Variants in BLTP3A observed in about 807,000 individuals in gnomAD.
The protein encoded by BLTP3A is ICBP90 binding protein 1.
At chr6:34,858,766 A>G in the BLTP3A span, 4 of 1,614,204 alleles carry the variant, frequency 2.5e-6, no homozygotes, top group Non-Finnish European at 1.7e-6. Context: ...TATGGACAAC[A>G]AAGGGCCTCT....
the BLTP3A span, chr6:34,864,304 T>C: frequency 1.7e-6 from 2 of 1,148,140 alleles, no homozygotes; most frequent in East Asian, 2.4e-5. Flanking sequence ...GATGATAATA[T>C]AGACATTTTC....
the BLTP3A span, chr6:34,836,080 G>C: frequency 2.6e-6 from 4 of 1,528,804 alleles, no homozygotes; most frequent in Non-Finnish European, 3.5e-6. Context: ...CTTCAGGCTG[G>C]ACCAAAGCTT....
At chr6:34,805,735 C>CAAA in the BLTP3A span, among the ~76,000 whole-genome samples, 16 of 73,714 alleles carry the variant, frequency 2.2e-4, no homozygotes, top group African/African-American at 4.5e-4. Context: ...GACCCTATCT[C>CAAA]AAAAAAAAAA....
chr6:34,798,594 C>CTTTTTTTTTTTTTTTTTTTT, the BLTP3A span, among the ~76,000 whole-genome samples: 23 of 94,488 alleles, frequency 2.4e-4, no homozygotes, highest in African/African-American at 5.3e-4. Context: ...TTCTTTCTTT[C>CTTTTTTTTTTTTTTTTTTTT]TTTTTTTTTT....
At chr6:34,811,345 G>C in the BLTP3A span, among the ~76,000 whole-genome samples, 4 of 152,212 alleles carry the variant, frequency 2.6e-5, no homozygotes, top group East Asian at 7.7e-4. Flanking sequence ...TGAACACAAA[G>C]GATTTTTTAA....
chr6:34,875,062 T>G, the BLTP3A span: 1 of 152,608 alleles, frequency 6.6e-6, no homozygotes, highest in Non-Finnish European at 1.5e-5. Flanking sequence ...ATAGCCTTAG[T>G]AAAGAAAGCA....
At chr6:34,809,817 A>C in the BLTP3A span, among the ~76,000 whole-genome samples, 1 of 152,122 alleles carries the variant, frequency 6.6e-6, no homozygotes, top group African/African-American at 2.4e-5. Flanking sequence ...TGGCCTCCCA[A>C]ATTGCTGGGA....
At chr6:34,834,090 A>G in the BLTP3A span, 4 of 1,063,342 alleles carry the variant, frequency 3.8e-6, no homozygotes, top group Non-Finnish European at 5.4e-6. Flanking sequence ...TAACAGAGCA[A>G]GAACCTGTCT....
the BLTP3A span, among the ~76,000 whole-genome samples, chr6:34,852,504 A>G: frequency 2.0e-5 from 3 of 151,830 alleles, no homozygotes; most frequent in Non-Finnish European, 2.9e-5. Flanking sequence ...CTGGTATCCA[A>G]ATTGCAAGAC....
At chr6:34,807,155 C>T in the BLTP3A span, among the ~76,000 whole-genome samples, 2 of 151,988 alleles carry the variant, frequency 1.3e-5, no homozygotes, top group African/African-American at 2.4e-5. Flanking sequence ...GGTCAAGAAG[C>T]GGAAGTAAAG....
At chr6:34,823,863 AGTTT>A in the BLTP3A span, among the ~76,000 whole-genome samples, 3 of 151,820 alleles carry the variant, frequency 2.0e-5, no homozygotes, top group African/African-American at 7.2e-5. Flanking sequence ...TTTTCCTGCC[AGTTT>A]GTGTATGTGT....
chr6:34,871,075 C>T, the BLTP3A span: 3 of 1,613,936 alleles, frequency 1.9e-6, no homozygotes, highest in South Asian at 2.2e-5. Context: ...GGTGGTAGTC[C>T]CCATGCAGAT....
chr6:34,867,322 G>C, the BLTP3A span: 2 of 1,614,012 alleles, frequency 1.2e-6, no homozygotes, highest in Non-Finnish European at 1.7e-6. Context: ...ATGGCCAGGG[G>C]TCACCAGCAG....
the BLTP3A span, among the ~76,000 whole-genome samples, chr6:34,869,639 A>C: frequency 1.5e-4 from 13 of 87,576 alleles, no homozygotes; most frequent in African/African-American, 3.4e-4. Context: ...TACATACACC[A>C]CTTTTTTTTT....
chr6:34,798,096 A>C, the BLTP3A span, among the ~76,000 whole-genome samples: 1 of 152,214 alleles, frequency 6.6e-6, no homozygotes, highest in Non-Finnish European at 1.5e-5. Flanking sequence ...AAGGGTAACC[A>C]ATGTCCAGAT....
At chr6:34,858,044 T>C in the BLTP3A span, 1 of 1,563,494 alleles carries the variant, frequency 6.4e-7, no homozygotes, top group Non-Finnish European at 8.6e-7. Flanking sequence ...GCCCAAAGGA[T>C]CTTTTACATG....
chr6:34,871,210 C>T, the BLTP3A span: 2 of 1,399,576 alleles, frequency 1.4e-6, no homozygotes, highest in Non-Finnish European at 1.9e-6. Context: ...CTGTTAACCT[C>T]TTCCCTTTTC....
chr6:34,877,441 A>G, the BLTP3A span: 1 of 152,666 alleles, frequency 6.6e-6, no homozygotes. Context: ...TAATGTTGCA[A>G]TATCTAGTCA....
At chr6:34,812,634 A>T in the BLTP3A span, among the ~76,000 whole-genome samples, 20 of 143,424 alleles carry the variant, frequency 1.4e-4, no homozygotes, top group Non-Finnish European at 1.8e-4. Context: ...CAGCTAATTA[A>T]TTTTTTTTTT....
Sources: gnomAD v4.1 joint callset for allele counts (sites outside exome capture counted in the v4.1 genomes callset) on GRCh38, gnomAD v4.1.1 for gene constraint, MANE v1.5 for transcripts, NCBI Gene and HGNC (gene_info 2026-07-23, HGNC 2026-07-21) for gene names.